Variants in PDE10A observed in about 807,000 individuals in gnomAD.
PDE10A encodes cAMP and cAMP-inhibited cGMP 3',5'-cyclic phosphodiesterase 10A.
A neutral mutation model predicts 97.7 loss-of-function variants in PDE10A; 39 were observed. That is an observed-to-expected ratio of 0.40 (90% confidence interval 0.31 to 0.52). PDE10A has a LOEUF of 0.52. Among genes scored for constraint, PDE10A ranks in the 20% least tolerant of loss-of-function variants. PDE10A has a pLI of 0.56. For synonymous variants in PDE10A, 371 were observed against 376.8 expected (o/e 0.98, Z 0.18); for missense variants, 731 against 1,047.8 (o/e 0.70, Z 4.17).
chr6:165,873,851 AC>A, intron 1 of PDE10A, among the ~76,000 whole-genome samples: 2 of 152,368 alleles, frequency 1.3e-5, no homozygotes, highest in Middle Eastern at 6.8e-3. Flanking sequence ...TTATTTGTTT[AC>A]TACTGGGTTT....
chr6:165,464,737 T>G (rs1451076377), intron 3 of PDE10A, among the ~76,000 whole-genome samples: 2 of 152,194 alleles, frequency 1.3e-5, no homozygotes, highest in African/African-American at 4.8e-5. Flanking sequence ...TTGGAATTAT[T>G]TGTAAATGGA....
intron 18 of PDE10A, among the ~76,000 whole-genome samples, chr6:165,368,444 A>C (rs1333109060): frequency 6.6e-6 from 1 of 152,220 alleles, no homozygotes; most frequent in Non-Finnish European, 1.5e-5. Context: ...AATTATTTTA[A>C]AGTTTTTCAC....
chr6:165,845,536 A>G (rs1019553125), intron 1 of PDE10A, among the ~76,000 whole-genome samples: 1 of 152,212 alleles, frequency 6.6e-6, no homozygotes, highest in African/African-American at 2.4e-5. Context: ...AGGAAAACCC[A>G]CTTATGTGGG....
chr6:165,763,172 G>C (rs1235468384), intron 1 of PDE10A, among the ~76,000 whole-genome samples: 1 of 152,184 alleles, frequency 6.6e-6, no homozygotes, highest in Non-Finnish European at 1.5e-5. Flanking sequence ...GTCTGCGTGT[G>C]TATGGCTGCC....
At chr6:165,980,034 T>A (rs1784965548) in intron 1 of PDE10A, among the ~76,000 whole-genome samples, 1 of 152,182 alleles carries the variant, frequency 6.6e-6, no homozygotes, top group South Asian at 2.1e-4. Context: ...ACACCGCCCA[T>A]CCCAACATCC....
At chr6:165,528,347 G>A (rs369395079) in intron 2 of PDE10A, among the ~76,000 whole-genome samples, 4 of 152,282 alleles carry the variant, frequency 2.6e-5, no homozygotes, top group Admixed American at 2.0e-4. Flanking sequence ...CCCTGTCATC[G>A]CCCTATGGGC....
intron 1 of PDE10A, among the ~76,000 whole-genome samples, chr6:165,926,445 CA>C (rs1378234375): frequency 3.3e-5 from 5 of 152,150 alleles, no homozygotes; most frequent in African/African-American, 1.2e-4. Context: ...TTCTCAGAGG[CA>C]AAAGTTCTAT....
intron 1 of PDE10A, among the ~76,000 whole-genome samples, chr6:165,670,268 T>A (rs748552660): frequency 1.3e-5 from 2 of 152,250 alleles, no homozygotes; most frequent in Non-Finnish European, 2.9e-5. Flanking sequence ...CAGCTTGTTT[T>A]ATTGCATGTA....
At chr6:165,959,567 T>A (rs757097205) in intron 1 of PDE10A, among the ~76,000 whole-genome samples, 1 of 152,208 alleles carries the variant, frequency 6.6e-6, no homozygotes, top group East Asian at 1.9e-4. Flanking sequence ...TTTGGAATAT[T>A]TGTGGAAGTC....
At chr6:165,488,784 G>A (rs2128285811) in intron 2 of PDE10A, among the ~76,000 whole-genome samples, 1 of 152,286 alleles carries the variant, frequency 6.6e-6, no homozygotes, top group South Asian at 2.1e-4. Flanking sequence ...CTCCACGGGA[G>A]CTGGGTGAGG....
chr6:165,953,880 T>C (rs1203711434), intron 1 of PDE10A, among the ~76,000 whole-genome samples: 2 of 152,194 alleles, frequency 1.3e-5, no homozygotes, highest in African/African-American at 2.4e-5. Context: ...TGCAAAATGG[T>C]TGCATTGTCC....
intron 1 of PDE10A, among the ~76,000 whole-genome samples, chr6:165,640,319 C>T (rs1223889587): frequency 6.6e-6 from 1 of 152,010 alleles, no homozygotes; most frequent in African/African-American, 2.4e-5. Context: ...ATTTTTTTTA[C>T]CATTTTCAAA....
At chr6:165,743,621 C>T (rs1445187960) in intron 1 of PDE10A, among the ~76,000 whole-genome samples, 1 of 152,206 alleles carries the variant, frequency 6.6e-6, no homozygotes, top group Admixed American at 6.5e-5. Flanking sequence ...AGCACAAAGA[C>T]ATACACACAG....
chr6:165,465,161 A>C (rs1032312918), intron 3 of PDE10A, among the ~76,000 whole-genome samples: 10 of 152,192 alleles, frequency 6.6e-5, no homozygotes, highest in South Asian at 2.1e-4. Flanking sequence ...AGTTGTTAAA[A>C]ATAAAGGTGA....
chr6:165,560,759 G>A (rs1020849402), intron 1 of PDE10A, among the ~76,000 whole-genome samples: 2 of 152,158 alleles, frequency 1.3e-5, no homozygotes, highest in Admixed American at 6.5e-5. Flanking sequence ...CAAGCCCAGG[G>A]GAGAACGTCT....
chr6:165,869,649 A>T (rs910261295), intron 1 of PDE10A, among the ~76,000 whole-genome samples: 3 of 152,206 alleles, frequency 2.0e-5, no homozygotes, highest in East Asian at 3.8e-4. Context: ...AGCAATACTG[A>T]ACAAAAAGAA....
At chr6:165,891,685 T>C (rs1781803405) in intron 1 of PDE10A, among the ~76,000 whole-genome samples, 1 of 149,768 alleles carries the variant, frequency 6.7e-6, no homozygotes, top group South Asian at 2.2e-4. Flanking sequence ...AGTGCAGTGT[T>C]GTCGTTATTG....
intron 3 of PDE10A, among the ~76,000 whole-genome samples, chr6:165,476,427 A>G (rs1779303273): frequency 6.6e-6 from 1 of 152,320 alleles, no homozygotes; most frequent in Admixed American, 6.5e-5. Context: ...ATTTAAGCAG[A>G]ACAAGAAACA....
chr6:165,987,268 C>G (rs987560560), intron 1 of PDE10A, among the ~76,000 whole-genome samples: 3 of 152,214 alleles, frequency 2.0e-5, no homozygotes, highest in African/African-American at 7.2e-5. Flanking sequence ...TCTCTCTCCC[C>G]TCCTCTGCAA....
Sources: allele counts gnomAD v4.1 joint callset (sites outside exome capture counted in the v4.1 genomes callset), GRCh38; gene constraint gnomAD v4.1.1; transcripts MANE v1.5; gene names NCBI Gene and HGNC (gene_info 2026-07-23, HGNC 2026-07-21).